Variants in ANGPT1 observed in about 807,000 individuals in gnomAD.
ANGPT1 encodes the protein angiopoietin 1.
In ANGPT1, 17 loss-of-function variants were observed where a neutral mutation model predicts 62.2. That is an observed-to-expected ratio of 0.27 (90% CI 0.19 to 0.41). The LOEUF is 0.41. ANGPT1 is among the 10% of genes least tolerant of loss of function. The pLI is 1.00. For missense variants in ANGPT1, 478 were observed against 594.9 expected (o/e 0.80, Z 2.04); for synonymous variants, 199 against 198.9 (o/e 1.00, Z 0.00).
At chr8:107,263,443 A>C (rs547880522) in intron 8 of ANGPT1, among the ~76,000 whole-genome samples, 3 of 151,110 alleles carry the variant, frequency 2.0e-5, no homozygotes, top group African/African-American at 7.3e-5. Flanking sequence ...GGTATGTGCC[A>C]TTGCTTAACC....
At chr8:107,461,622 T>A (rs1812074706) in intron 1 of ANGPT1, among the ~76,000 whole-genome samples, 1 of 152,166 alleles carries the variant, frequency 6.6e-6, no homozygotes, top group South Asian at 2.1e-4. Flanking sequence ...TTCACTGTAT[T>A]ATGGATTTAA....
chr8:107,394,586 G>A (rs1372855061), intron 1 of ANGPT1, among the ~76,000 whole-genome samples: 1 of 152,132 alleles, frequency 6.6e-6, no homozygotes, highest in Non-Finnish European at 1.5e-5. Context: ...CAAAGCGCCT[G>A]CTTTTTCTCA....
chr8:107,263,625 G>A (rs971771896), intron 8 of ANGPT1, among the ~76,000 whole-genome samples: 9 of 151,860 alleles, frequency 5.9e-5, no homozygotes, highest in African/African-American at 2.2e-4. Context: ...GCTATCAGAA[G>A]GCTGGAAAAA....
rs575625199 is a variant in ANGPT1, at chr8:107,481,394, C to T, written c.297+15868G>A. Among the ~76,000 whole-genome samples the T allele has an allele frequency of 7.3e-5, 11 of 151,510 alleles. No individual in the cohort carries two copies. In the South Asian group the frequency reaches 1.3e-3, roughly 17 times the overall value. On this transcript the variant is annotated intron_variant, in intron 1 of 8. Coordinates refer to ENST00000517746, the MANE Select transcript of ANGPT1 (RefSeq NM_001146.5). The stretch of plus-strand genomic sequence containing the variant: ...CTAAAAATACAAAAAATTAGCCAGG[C>T]GCGGTGGCGGGCTCCTGTAGTCCCA...
intron 1 of ANGPT1, among the ~76,000 whole-genome samples, chr8:107,461,397 C>G (rs1290554455): frequency 3.3e-5 from 5 of 152,110 alleles, no homozygotes; most frequent in African/African-American, 1.2e-4. Context: ...CTTTATACCT[C>G]TTAATTCTTA....
intron 1 of ANGPT1, among the ~76,000 whole-genome samples, chr8:107,454,238 T>C (rs1479206068): frequency 6.6e-6 from 1 of 152,078 alleles, no homozygotes; most frequent in Non-Finnish European, 1.5e-5. Context: ...TGTACTTGAG[T>C]GACCTTAAAA....
intron 1 of ANGPT1, among the ~76,000 whole-genome samples, chr8:107,419,315 G>T (rs969377071): frequency 6.6e-6 from 1 of 152,068 alleles, no homozygotes; most frequent in Admixed American, 6.6e-5. Flanking sequence ...TCTGAAGTAG[G>T]TCATAAAACT....
intron 1 of ANGPT1, among the ~76,000 whole-genome samples, chr8:107,401,767 A>C (rs948990719): frequency 1.3e-5 from 2 of 152,218 alleles, no homozygotes; most frequent in African/African-American, 4.8e-5. Context: ...ATATATGTTT[A>C]TATGGATATA....
At chr8:107,311,635 A>C (rs1814866213) in intron 4 of ANGPT1, among the ~76,000 whole-genome samples, 1 of 152,248 alleles carries the variant, frequency 6.6e-6, no homozygotes, top group Non-Finnish European at 1.5e-5. Flanking sequence ...AGAATAATTA[A>C]ATATCAATTC....
intron 8 of ANGPT1, among the ~76,000 whole-genome samples, chr8:107,252,930 T>G (rs1813278938): frequency 6.6e-6 from 1 of 152,202 alleles, no homozygotes; most frequent in African/African-American, 2.4e-5. Flanking sequence ...AGTTGACCTC[T>G]CTTTGATTAC....
intron 1 of ANGPT1, among the ~76,000 whole-genome samples, chr8:107,446,109 G>A (rs1317835827): frequency 6.6e-6 from 1 of 151,928 alleles, no homozygotes; most frequent in Non-Finnish European, 1.5e-5. Context: ...AGTAGAGACT[G>A]GGTTTCACCA....
intron 4 of ANGPT1, among the ~76,000 whole-genome samples, chr8:107,304,993 A>G (rs2129986736): frequency 6.6e-6 from 1 of 152,106 alleles, no homozygotes; most frequent in South Asian, 2.1e-4. Context: ...CTTACTCAAA[A>G]GCCATCTTTA....
At chr8:107,283,859 A>G (rs1410720838) in intron 7 of ANGPT1, 2 of 152,198 alleles carry the variant, frequency 1.3e-5, no homozygotes, top group African/African-American at 4.8e-5. Context: ...CCTGTTCCCA[A>G]GGAATGCCAG....
intron 1 of ANGPT1, among the ~76,000 whole-genome samples, chr8:107,467,201 C>G (rs1004286723): frequency 2.6e-5 from 4 of 151,890 alleles, no homozygotes; most frequent in African/African-American, 9.7e-5. Context: ...CCCCAATTAC[C>G]TTTATCGATC....
At chr8:107,440,602 G>C (rs1480666661) in intron 1 of ANGPT1, among the ~76,000 whole-genome samples, 1 of 152,172 alleles carries the variant, frequency 6.6e-6, no homozygotes, top group Non-Finnish European at 1.5e-5. Flanking sequence ...ATTCGCACTT[G>C]TGCTAAATTA....
At chr8:107,408,261 T>C (rs555246202) in intron 1 of ANGPT1, among the ~76,000 whole-genome samples, 26 of 152,344 alleles carry the variant, frequency 1.7e-4, no homozygotes, top group Non-Finnish European at 3.7e-4. Flanking sequence ...CATATGTTTC[T>C]AGTTTGTGTA....
intron 5 of ANGPT1, among the ~76,000 whole-genome samples, chr8:107,299,653 CTATA>C (rs1259809926): frequency 7.5e-6 from 1 of 133,210 alleles, no homozygotes; most frequent in Non-Finnish European, 1.6e-5. Context: ...ATATAAATAT[CTATA>C]TATAGACATA....
chr8:107,478,356 C>G (rs1046642635), intron 1 of ANGPT1, among the ~76,000 whole-genome samples: 2 of 151,856 alleles, frequency 1.3e-5, no homozygotes, highest in East Asian at 1.9e-4. Context: ...CGAGACCAGC[C>G]TGGCTAACAT....
At chr8:107,320,863 T>C (rs1035398152) in intron 4 of ANGPT1, among the ~76,000 whole-genome samples, 1 of 152,226 alleles carries the variant, frequency 6.6e-6, no homozygotes, top group African/African-American at 2.4e-5. Flanking sequence ...AACAAATTTG[T>C]CACATAGCTC....
Sources: gnomAD v4.1 joint callset for allele counts (sites outside exome capture counted in the v4.1 genomes callset) on GRCh38, gnomAD v4.1.1 for gene constraint, MANE v1.5 for transcripts, NCBI Gene and HGNC (gene_info 2026-07-23, HGNC 2026-07-21) for gene names.